Variants in SPMIP4 observed in about 807,000 individuals in gnomAD.
SPMIP4 encodes sperm-associated microtubule inner protein 4.
the SPMIP4 span, chr7:25,135,721 GA>G: frequency 9.6e-7 from 1 of 1,046,464 alleles, no homozygotes; most frequent in Non-Finnish European, 1.2e-6. Context: ...GAAGATGAGA[GA>G]TTAAAGACTA....
At chr7:25,179,248 A>T in the SPMIP4 span, 44 of 1,613,792 alleles carry the variant, frequency 2.7e-5, 1 homozygote, top group East Asian at 7.1e-4. Context: ...AAGGTGTTGG[A>T]CAGTATGTCA....
the SPMIP4 span, among the ~76,000 whole-genome samples, chr7:25,172,449 GT>G: frequency 6.6e-6 from 1 of 152,196 alleles, no homozygotes; most frequent in Non-Finnish European, 1.5e-5. This position sits in a 1 kb window ranked among gnomAD's most constrained non-coding sequence, Gnocchi z 4.2. Context: ...GAATGTGGAA[GT>G]TATGGCTAAC....
the SPMIP4 span, among the ~76,000 whole-genome samples, chr7:25,150,263 T>C: frequency 6.6e-6 from 1 of 152,202 alleles, no homozygotes. Context: ...ATCTGGAGCC[T>C]TTGGCTATAA....
the SPMIP4 span, among the ~76,000 whole-genome samples, chr7:25,146,237 G>A: frequency 1.3e-5 from 2 of 152,198 alleles, no homozygotes; most frequent in Non-Finnish European, 2.9e-5. Flanking sequence ...GGGAAAGAGA[G>A]ACGGCTGAAG....
the SPMIP4 span, chr7:25,134,971 T>C: frequency 1.0e-6 from 1 of 982,972 alleles, no homozygotes; most frequent in African/African-American, 1.7e-5. Flanking sequence ...TCTCTAACTT[T>C]AGCCCAGAAT....
chr7:25,179,042 A>C, the SPMIP4 span: 1 of 881,528 alleles, frequency 1.1e-6, no homozygotes, highest in Non-Finnish European at 1.6e-6. Flanking sequence ...CACCGTCTCA[A>C]AAACAAACAA....
the SPMIP4 span, among the ~76,000 whole-genome samples, chr7:25,126,723 A>C: frequency 6.6e-6 from 1 of 152,224 alleles, no homozygotes; most frequent in African/African-American, 2.4e-5. Context: ...CAGTTTACAC[A>C]CAATTACAGT....
At chr7:25,132,689 A>C in the SPMIP4 span, among the ~76,000 whole-genome samples, 1 of 152,146 alleles carries the variant, frequency 6.6e-6, no homozygotes, top group Admixed American at 6.5e-5. The surrounding 1 kb of genome is among the most constrained non-coding windows in gnomAD (Gnocchi z 5.0). Context: ...ACTGTTCCTT[A>C]CTTCTATGCA....
chr7:25,142,863 T>C, the SPMIP4 span: 1 of 1,332,510 alleles, frequency 7.5e-7, no homozygotes, highest in Non-Finnish European at 1.0e-6. Flanking sequence ...TCTAGTAGAA[T>C]AAGACCTGAT....
At chr7:25,169,142 C>A in the SPMIP4 span, among the ~76,000 whole-genome samples, 1 of 152,052 alleles carries the variant, frequency 6.6e-6, no homozygotes, top group Non-Finnish European at 1.5e-5. Flanking sequence ...GTAATCCCAG[C>A]ACTTTGGGAG....
chr7:25,171,944 A>T, the SPMIP4 span, among the ~76,000 whole-genome samples: 83 of 152,346 alleles, frequency 5.4e-4, no homozygotes, highest in African/African-American at 2.0e-3. Flanking sequence ...TATACCTATA[A>T]GGCACTTTGC....
At chr7:25,161,439 GTTGCCCAGAC>G in the SPMIP4 span, among the ~76,000 whole-genome samples, 1 of 151,866 alleles carries the variant, frequency 6.6e-6, no homozygotes, top group Admixed American at 6.6e-5. Flanking sequence ...GTCTTGCTAT[GTTGCCCAGAC>G]TTATCTTGAA....
the SPMIP4 span, among the ~76,000 whole-genome samples, chr7:25,157,520 G>A: frequency 6.6e-6 from 1 of 152,292 alleles, no homozygotes; most frequent in Middle Eastern, 3.4e-3. Flanking sequence ...CCCTTGCTAC[G>A]ATGCGATGAA....
At chr7:25,138,919 G>A in the SPMIP4 span, among the ~76,000 whole-genome samples, 1 of 152,146 alleles carries the variant, frequency 6.6e-6, no homozygotes, top group East Asian at 1.9e-4. This position sits in a 1 kb window ranked among gnomAD's most constrained non-coding sequence, Gnocchi z 6.2. Flanking sequence ...TTATAAATAT[G>A]AACTCAATTA....
At chr7:25,152,693 T>C in the SPMIP4 span, among the ~76,000 whole-genome samples, 1 of 150,396 alleles carries the variant, frequency 6.6e-6, no homozygotes, top group Non-Finnish European at 1.5e-5. Context: ...CTCCCTCCCT[T>C]CCTCTTTCTC....
chr7:25,141,836 C>T, the SPMIP4 span, among the ~76,000 whole-genome samples: 12 of 152,136 alleles, frequency 7.9e-5, no homozygotes, highest in South Asian at 1.0e-3. Context: ...CTCCTGGGTT[C>T]GAGCGATTCT....
At chr7:25,164,574 C>T in the SPMIP4 span, among the ~76,000 whole-genome samples, 1 of 152,114 alleles carries the variant, frequency 6.6e-6, no homozygotes, top group African/African-American at 2.4e-5. Flanking sequence ...CAGGTATTTG[C>T]TGAGGGCAAG....
the SPMIP4 span, among the ~76,000 whole-genome samples, chr7:25,174,184 CT>C: frequency 6.6e-6 from 1 of 152,032 alleles, no homozygotes. The surrounding 1 kb of genome is among the most constrained non-coding windows in gnomAD (Gnocchi z 4.5). Context: ...AAACCTTTCT[CT>C]TTCCCCCTCT....
the SPMIP4 span, chr7:25,179,220 T>C: frequency 6.2e-7 from 1 of 1,613,650 alleles, no homozygotes; most frequent in Non-Finnish European, 8.5e-7. Flanking sequence ...GAGGGGGTTG[T>C]GCAATTCATT....
Sources: gnomAD v4.1 joint callset for allele counts (sites outside exome capture counted in the v4.1 genomes callset) on GRCh38, gnomAD v4.1.1 for gene constraint, Gnocchi (gnomAD v3.1) non-coding constraint, MANE v1.5 for transcripts, NCBI Gene and HGNC (gene_info 2026-07-23, HGNC 2026-07-21) for gene names.